The following ARHGAP24 variants were observed in gnomAD, a reference collection of about 807,000 sequenced individuals.
ARHGAP24 encodes the protein Rho GTPase activating protein 24, also known as rho GTPase-activating protein 24.
In ARHGAP24, 50 loss-of-function variants were observed where a neutral mutation model predicts 76.4. The observed-to-expected ratio is 0.65, with a 90% CI of 0.52 to 0.83. The LOEUF is 0.83. Among genes scored for constraint, ARHGAP24 ranks in the 40% least tolerant of loss-of-function variants. ARHGAP24 has a pLI of 0.00. For synonymous variants in ARHGAP24, 345 were observed against 323.3 expected (o/e 1.07, Z -0.72); for missense variants, 930 against 914.2 (o/e 1.02, Z -0.22).
At position 85,707,297 on chromosome 4, in the gene ARHGAP24, G is replaced by A. The variant is rs151090681; in HGVS notation, c.181-14588G>A. ...CAAGGATATATTTTTACCAGATGTT[G>A]TGGGTAAAGAGAATGCTGAAATATG... On this transcript the variant is annotated intron_variant, in intron 2 of 9. Transcript: ENST00000395184. Among the ~76,000 whole-genome samples the A allele has an allele frequency of 9.4e-4, 143 of 152,276 alleles. 2 individuals carry two copies. In the East Asian group the frequency reaches 0.021, roughly 22 times the overall value.
intron 5 of ARHGAP24, among the ~76,000 whole-genome samples, chr4:85,970,365 A>G (rs1048387558): frequency 1.3e-4 from 20 of 152,098 alleles, no homozygotes; most frequent in African/African-American, 4.8e-4. Flanking sequence ...GTATGCAATA[A>G]TTTTCCTTAT....
At chr4:85,562,251 A>G (rs1323655944) in intron 1 of ARHGAP24, among the ~76,000 whole-genome samples, 1 of 152,244 alleles carries the variant, frequency 6.6e-6, no homozygotes, top group Non-Finnish European at 1.5e-5. Flanking sequence ...GAATGAAATC[A>G]GAGATTAGAT....
intron 3 of ARHGAP24, among the ~76,000 whole-genome samples, chr4:85,783,754 G>A (rs1391547016): frequency 1.3e-5 from 2 of 152,162 alleles, no homozygotes; most frequent in Non-Finnish European, 2.9e-5. Flanking sequence ...ATAAACATAT[G>A]ATAGCTATGG....
In ARHGAP24 at chr4:85,620,768, T is replaced by G. The variant is rs550538653; in HGVS notation, c.180+50047T>G. 1.2e-4 allele frequency among the ~76,000 whole-genome samples: 18 copies of G among 151,838 alleles called. No homozygotes were observed. In the South Asian group the frequency reaches 3.8e-3, roughly 32 times the overall value. On this transcript the variant is annotated intron_variant, in intron 2 of 9. Coordinates refer to ENST00000395184, the MANE Select transcript of ARHGAP24 (RefSeq NM_001025616.3). ...TACTTATTTGAGATGTTTCTTCTTTTTTATTTTTATTTTTATTTTTAAGTT... is the reference window on the plus strand; with the variant it reads ...TACTTATTTGAGATGTTTCTTCTTTGTTATTTTTATTTTTATTTTTAAGTT...
At chr4:85,955,159 G>T (rs950168923) in intron 5 of ARHGAP24, among the ~76,000 whole-genome samples, 1 of 152,142 alleles carries the variant, frequency 6.6e-6, no homozygotes, top group African/African-American at 2.4e-5. Context: ...AGCAGAACCT[G>T]TCCCTTTTCT....
At chr4:85,483,768 T>C (rs998232342) in intron 1 of ARHGAP24, among the ~76,000 whole-genome samples, 4 of 152,122 alleles carry the variant, frequency 2.6e-5, no homozygotes, top group African/African-American at 9.7e-5. Flanking sequence ...AAAAAATAAA[T>C]ATTTTTAAAA....
At chr4:85,625,032 T>G in intron 2 of ARHGAP24, among the ~76,000 whole-genome samples, 1 of 152,222 alleles carries the variant, frequency 6.6e-6, no homozygotes. Context: ...AGCTCCTGAA[T>G]TCATTAATTT....
At chr4:85,808,730 T>C (rs759983376) in intron 3 of ARHGAP24, among the ~76,000 whole-genome samples, 1 of 152,206 alleles carries the variant, frequency 6.6e-6, no homozygotes, top group Non-Finnish European at 1.5e-5. Flanking sequence ...TTTGAGCTTT[T>C]TGACTGATTG....
chr4:85,976,932 G>A (rs370084199), intron 7 of ARHGAP24, among the ~76,000 whole-genome samples: 12 of 151,872 alleles, frequency 7.9e-5, no homozygotes, highest in East Asian at 3.9e-4. Flanking sequence ...ACAGGGGCCC[G>A]CCACCGCACC....
intron 2 of ARHGAP24, among the ~76,000 whole-genome samples, chr4:85,704,239 G>A (rs1724213054): frequency 6.6e-6 from 1 of 152,090 alleles, no homozygotes; most frequent in African/African-American, 2.4e-5. Context: ...GATCCACTAT[G>A]TACATTTGCA....
chr4:85,495,834 C>A (rs1002800751), intron 1 of ARHGAP24, among the ~76,000 whole-genome samples: 3 of 152,192 alleles, frequency 2.0e-5, no homozygotes, highest in African/African-American at 4.8e-5. Context: ...CAGTGCTCAG[C>A]TGTCTCTCCT....
chr4:85,498,398 A>G (rs1042917924), intron 1 of ARHGAP24, among the ~76,000 whole-genome samples: 2 of 152,196 alleles, frequency 1.3e-5, no homozygotes, highest in Admixed American at 6.5e-5. Context: ...TTGTGTTGCT[A>G]TCTTCTCTGT....
chr4:85,606,655 A>G (rs917110717), intron 2 of ARHGAP24, among the ~76,000 whole-genome samples: 1 of 152,206 alleles, frequency 6.6e-6, no homozygotes, highest in Admixed American at 6.5e-5. Flanking sequence ...CATTTATTCA[A>G]TATTTATTCA....
chr4:85,889,008 C>T (rs1733732549), intron 3 of ARHGAP24, among the ~76,000 whole-genome samples: 1 of 152,120 alleles, frequency 6.6e-6, no homozygotes, highest in African/African-American at 2.4e-5. Flanking sequence ...ATCACATTTT[C>T]TTTATCTAGT....
intron 3 of ARHGAP24, among the ~76,000 whole-genome samples, chr4:85,759,842 CA>C (rs1726669000): frequency 6.6e-6 from 1 of 152,104 alleles, no homozygotes; most frequent in Admixed American, 6.5e-5. Context: ...TTTCTCCCTT[CA>C]AAAAACCTTG....
chr4:85,755,618 A>G (rs1481040251), intron 3 of ARHGAP24, among the ~76,000 whole-genome samples: 1 of 65,768 alleles, frequency 1.5e-5, no homozygotes, highest in East Asian at 4.1e-4. Context: ...GGAAGCTTCT[A>G]TTCTTTTGTT....
intron 3 of ARHGAP24, among the ~76,000 whole-genome samples, chr4:85,775,732 G>T (rs889363448): frequency 6.6e-6 from 1 of 152,034 alleles, no homozygotes; most frequent in Non-Finnish European, 1.5e-5. Context: ...AGGAGGCCAT[G>T]GTTAGGCATT....
At chr4:85,905,488 T>C (rs1040921539) in intron 3 of ARHGAP24, among the ~76,000 whole-genome samples, 3 of 152,190 alleles carry the variant, frequency 2.0e-5, no homozygotes, top group African/African-American at 7.2e-5. Flanking sequence ...CGTTCATCCC[T>C]TCCTCTCTTG....
At chr4:85,944,534 T>A (rs1737139433) in intron 5 of ARHGAP24, among the ~76,000 whole-genome samples, 1 of 152,190 alleles carries the variant, frequency 6.6e-6, no homozygotes. Context: ...TTCACGCTGA[T>A]GATAGTTTCT....
Sources: allele counts gnomAD v4.1 joint callset (sites outside exome capture counted in the v4.1 genomes callset), GRCh38; gene constraint gnomAD v4.1.1; transcripts MANE v1.5; gene names NCBI Gene and HGNC (gene_info 2026-07-23, HGNC 2026-07-21).